The following MCF2L2 variants were observed in gnomAD, a reference collection of about 807,000 sequenced individuals.
MCF2L2 encodes the protein MCF.2 cell line derived transforming sequence-like 2.
In MCF2L2, 102 loss-of-function variants were observed where a neutral mutation model predicts 150.2. The ratio of observed to expected loss-of-function variants is 0.68; its 90% CI spans 0.58 to 0.80. The LOEUF (loss-of-function observed/expected upper bound fraction) is 0.80. MCF2L2 is among the 30% of genes least tolerant of loss of function. The probability of loss-of-function intolerance (pLI) is 0.00; values close to 1 mark genes in which losing one functional copy is unlikely to be tolerated. For synonymous variants in MCF2L2, 465 were observed against 491.3 expected, an observed-to-expected ratio of 0.95 and a Z score of 0.71; for missense variants, 1,256 against 1,372.8, an observed-to-expected ratio of 0.91 and a Z score of 1.34.
At chr3:183,269,740 C>T in intron 15 of MCF2L2, 1 of 1,473,244 alleles carries the variant, frequency 6.8e-7, no homozygotes, top group South Asian at 1.3e-5. Context: ...GTTCTATGGT[C>T]TCGAAGAAGC....
intron 6 of MCF2L2, among the ~76,000 whole-genome samples, chr3:183,318,831 C>A (rs186538494): frequency 1.3e-5 from 2 of 152,312 alleles, no homozygotes; most frequent in East Asian, 3.9e-4. Flanking sequence ...ACCTTAATTT[C>A]AAAATACTTT....
intron 1 of MCF2L2, among the ~76,000 whole-genome samples, chr3:183,395,605 A>T (rs954516512): frequency 6.6e-6 from 1 of 152,308 alleles, no homozygotes; most frequent in African/African-American, 2.4e-5. Flanking sequence ...ACACTGATGT[A>T]ACCATCAAAC....
intron 1 of MCF2L2, among the ~76,000 whole-genome samples, chr3:183,408,648 T>G (rs1253382632): frequency 1.3e-5 from 2 of 152,214 alleles, no homozygotes. Flanking sequence ...CACAGCAATT[T>G]AATTAATTCT....
At position 183,179,947 on chromosome 3, in the gene MCF2L2, C is replaced by G; in HGVS notation, c.3105+124G>C. ...GGTGACCTCGGCTCCCTGGCTTAAC[C>G]AGGTCCTTATGGGTGAGAATCCTGA... On this transcript the variant is annotated intron_variant, in intron 28 of 29. Transcript: ENST00000328913. This position sits in a 1 kb window ranked among gnomAD's most constrained non-coding sequence, Gnocchi z 4.2. 2.3e-6 allele frequency: 2 copies of G among 866,274 alleles called. No individual in the cohort carries two copies. Among genetic ancestry groups the G allele is most frequent in the Non-Finnish European group, 3.8e-6 (2 of 528,252 alleles). The allele number at this position is 866,274 out of a possible 1,614,324, so 53.7% of individuals were successfully genotyped here.
intron 1 of MCF2L2, among the ~76,000 whole-genome samples, chr3:183,396,494 TA>T (rs1714473943): frequency 6.6e-6 from 1 of 152,224 alleles, no homozygotes. Flanking sequence ...TTGAACTTGT[TA>T]AACACAATTA....
At position 183,311,803 on chromosome 3, in the gene MCF2L2, G is replaced by A. The variant is rs760920410; in HGVS notation, c.754-31C>T. The A allele has an allele frequency of 6.8e-5, 108 of 1,591,132 alleles. 3 individuals carry two copies. Among genetic ancestry groups the A allele is most frequent in the South Asian group, 5.8e-4 (51 of 87,678 alleles). ...AAATAAAAGTAGTCTCTCTTAGAAC[G>A]AATTAGAAAAAACAAATTCTTGGTA... On this transcript the variant is annotated intron_variant, in intron 7 of 29. Coordinates refer to ENST00000328913, the MANE Select transcript of MCF2L2 (RefSeq NM_015078.4).
At chr3:183,272,580 TTAAC>T (rs1251948394) in intron 15 of MCF2L2, 24 of 994,084 alleles carry the variant, frequency 2.4e-5, no homozygotes, top group Non-Finnish European at 2.8e-5. Context: ...TTTAGAATTT[TTAAC>T]TAATGTCAAA....
At chr3:183,360,890 A>T (rs2108564798) in intron 3 of MCF2L2, among the ~76,000 whole-genome samples, 1 of 151,538 alleles carries the variant, frequency 6.6e-6, no homozygotes, top group African/African-American at 2.4e-5. Flanking sequence ...AATCGTTTGA[A>T]TCCGGGAGGC....
At chr3:183,252,584 A>C (rs1192461806) in intron 15 of MCF2L2, among the ~76,000 whole-genome samples, 1 of 152,186 alleles carries the variant, frequency 6.6e-6, no homozygotes, top group African/African-American at 2.4e-5. Context: ...TCCTGGGATC[A>C]AGCAATCCTC....
In MCF2L2 at chr3:183,402,092, A is replaced by C. The variant is rs555470191; in HGVS notation, c.77-12313T>G. Among the ~76,000 whole-genome samples the C allele has an allele frequency of 5.3e-5, 8 of 152,316 alleles. No individual in the cohort carries two copies. In the East Asian group the frequency reaches 1.5e-3, roughly 29 times the overall value. The stretch of plus-strand genomic sequence containing the variant: ...TAGAGCTAGTTCTTTGTTGTTGTTA[A>C]AAGTACAGTAAGTTTGTGGGGATGG... On this transcript the variant is annotated intron_variant, in intron 1 of 29. Transcript: ENST00000328913.
intron 3 of MCF2L2, among the ~76,000 whole-genome samples, chr3:183,364,578 C>T (rs957817033): frequency 6.6e-6 from 1 of 151,610 alleles, no homozygotes; most frequent in Non-Finnish European, 1.5e-5. Flanking sequence ...ATGGAAAAAC[C>T]AATAGATCTA....
intron 5 of MCF2L2, among the ~76,000 whole-genome samples, chr3:183,330,110 T>C (rs185353558): frequency 1.6e-4 from 24 of 149,404 alleles, no homozygotes; most frequent in African/African-American, 5.9e-4. Context: ...CCGGGCATGG[T>C]GGTGCGCACC....
At chr3:183,278,995 C>G (rs1238350940) in intron 14 of MCF2L2, among the ~76,000 whole-genome samples, 1 of 152,148 alleles carries the variant, frequency 6.6e-6, no homozygotes, top group Non-Finnish European at 1.5e-5. Context: ...GAATATAACA[C>G]TGGTGCCATT....
chr3:183,375,229 AAAAC>A (rs901930615), intron 3 of MCF2L2: 1 of 152,208 alleles, frequency 6.6e-6, no homozygotes, highest in African/African-American at 2.4e-5. Flanking sequence ...CTATATAAGA[AAAAC>A]TTAAAGTCAA....
At chr3:183,266,121 C>T (rs1231587954) in intron 15 of MCF2L2, 2 of 152,208 alleles carry the variant, frequency 1.3e-5, no homozygotes, top group Non-Finnish European at 2.9e-5. Context: ...AATGCACCAA[C>T]CTGGTGAGTA....
chr3:183,224,950 G>A (rs1350493355), intron 18 of MCF2L2: 1 of 152,332 alleles, frequency 6.6e-6, no homozygotes, highest in Non-Finnish European at 1.5e-5. Flanking sequence ...TCTGGCGTCA[G>A]CTTGCCAGCT....
At chr3:183,207,254 G>A (rs1034617450) in intron 23 of MCF2L2, among the ~76,000 whole-genome samples, 7 of 152,190 alleles carry the variant, frequency 4.6e-5, no homozygotes, top group African/African-American at 1.7e-4. Context: ...ATACACCGTT[G>A]AGAAGGACAA....
At chr3:183,398,811 C>T (rs1714596535) in intron 1 of MCF2L2, among the ~76,000 whole-genome samples, 1 of 152,108 alleles carries the variant, frequency 6.6e-6, no homozygotes, top group Non-Finnish European at 1.5e-5. Context: ...ACAAAACTTA[C>T]ATTAACATAC....
intron 3 of MCF2L2, among the ~76,000 whole-genome samples, chr3:183,352,294 G>A (rs889725490): frequency 1.3e-5 from 2 of 151,880 alleles, no homozygotes; most frequent in African/African-American, 4.8e-5. Context: ...AGGCTGAGGC[G>A]GGCAGATCAT....
Sources: allele counts gnomAD v4.1 joint callset (sites outside exome capture counted in the v4.1 genomes callset), GRCh38; gene constraint gnomAD v4.1.1; non-coding constraint Gnocchi (gnomAD v3.1); transcripts MANE v1.5; gene names NCBI Gene and HGNC (gene_info 2026-07-23, HGNC 2026-07-21).